Variants in TTC7A observed in about 807,000 individuals in gnomAD.
TTC7A encodes the protein tetratricopeptide repeat domain 7A.
Under a neutral mutation model 103.7 loss-of-function variants are expected in TTC7A, and 110 were observed. The observed-to-expected ratio is 1.06, with a 90% CI of 0.91 to 1.24. TTC7A has a LOEUF of 1.24. Ranked by LOEUF, TTC7A falls within the 50% of genes most tolerant of loss-of-function variation. The pLI, the probability that TTC7A is intolerant of heterozygous loss-of-function variation, is 0.00. For missense variants in TTC7A, 1,340 were observed against 1,116.3 expected (o/e 1.20, Z -2.86); for synonymous variants, 521 against 467.9 (o/e 1.11, Z -1.47).
chr2:46,939,454 T>C (rs1301280404), upstream of TTC7A, among the ~76,000 whole-genome samples: 1 of 152,128 alleles, frequency 6.6e-6, no homozygotes, highest in Admixed American at 6.5e-5. Flanking sequence ...ATTAAAAATG[T>C]GAGCCATGAA....
chr2:47,052,068 C>T (rs1682905776), intron 18 of TTC7A, among the ~76,000 whole-genome samples, 188 bp downstream of exon 18: 1 of 152,172 alleles, frequency 6.6e-6, no homozygotes, highest in South Asian at 2.1e-4. Context: ...TGCCTTCCTG[C>T]CTGGGAGAGC....
intron 16 of TTC7A, among the ~76,000 whole-genome samples, chr2:47,048,380 TG>T (rs1489785055): frequency 6.6e-6 from 1 of 152,174 alleles, no homozygotes; most frequent in Non-Finnish European, 1.5e-5. Flanking sequence ...AAGAGTAGGA[TG>T]GGAAGCTGCA....
At chr2:46,996,518 G>T (rs889187131) in intron 8 of TTC7A, among the ~76,000 whole-genome samples, 1 of 152,188 alleles carries the variant, frequency 6.6e-6, no homozygotes, top group Non-Finnish European at 1.5e-5. Context: ...GGTGCCTCAG[G>T]CCTCCCAGCA....
chr2:47,064,775 G>C (rs1684055178), intron 19 of TTC7A, among the ~76,000 whole-genome samples: 1 of 152,180 alleles, frequency 6.6e-6, no homozygotes, highest in South Asian at 2.1e-4. Context: ...TCATTGGTTG[G>C]TCATGAAGCT....
intron 14 of TTC7A, among the ~76,000 whole-genome samples, chr2:47,025,318 G>A (rs901265890): frequency 1.3e-5 from 2 of 152,210 alleles, no homozygotes; most frequent in African/African-American, 4.8e-5. Context: ...ACACCACTGA[G>A]GCCGAGCCAG....
intron 3 of TTC7A, among the ~76,000 whole-genome samples, chr2:46,966,405 T>C (rs1176561200): frequency 6.6e-6 from 1 of 152,240 alleles, no homozygotes; most frequent in Non-Finnish European, 1.5e-5. Context: ...TTTTTCCCTA[T>C]AGGATTATAT....
At chr2:46,962,609 C>A (rs1338652282) in intron 3 of TTC7A, among the ~76,000 whole-genome samples, 1 of 152,184 alleles carries the variant, frequency 6.6e-6, no homozygotes, top group Non-Finnish European at 1.5e-5. Context: ...TTTGGAAGAC[C>A]CCAGAGTGGC....
intron 4 of TTC7A, among the ~76,000 whole-genome samples, chr2:46,978,463 A>G (rs1221251247): frequency 6.6e-6 from 1 of 151,738 alleles, no homozygotes; most frequent in Non-Finnish European, 1.5e-5. Context: ...GCAGTGGTTC[A>G]TGCCTGTAAT....
At chr2:47,072,299 T>G (rs115719493) in intron 19 of TTC7A, among the ~76,000 whole-genome samples, 2,611 of 152,332 alleles carry the variant, frequency 0.017, 67 homozygotes, top group African/African-American at 0.059. Context: ...GGTTCCTTGC[T>G]ACGGCTTTGC....
At position 47,024,359 on chromosome 2, in the gene TTC7A, GGTGGGTTGT is replaced by G; in HGVS notation, c.1641+1_1641+9del. 2 of 1,605,140 alleles carry G rather than the reference GGTGGGTTGT, an allele frequency of 1.2e-6. No homozygotes were observed. Among genetic ancestry groups the G allele is most frequent in the South Asian group, 2.2e-5 (2 of 89,828 alleles). ...CGCTGCAGCTGGCCCTCGTCCGACA[GGTGGGTTGT>G]CCGTGTTCCTAACCCCCGGGTCCTC... On this transcript the variant is annotated splice_donor_variant and splice_donor_5th_base_variant and intron_variant, in intron 14 of 19. Coordinates refer to ENST00000319190, the MANE Select transcript of TTC7A (RefSeq NM_020458.4). LOFTEE classifies it high-confidence loss of function.
chr2:46,954,685 C>T lies in TTC7A; in HGVS notation c.349-2154C>T, dbSNP rs185729531. Among the ~76,000 whole-genome samples, 9 of 151,068 alleles carry T rather than the reference C, an allele frequency of 6.0e-5. No individual in the cohort carries two copies. The East Asian group carries it at 1.8e-3, about 29-fold the overall frequency. ...CTCCCGGGTTCAAGCGATTCTTCTG[C>T]CTCAGCCTCCCAAGTAGCTAGGATT... is the stretch of plus-strand genomic sequence containing the variant. On this transcript the variant is annotated intron_variant, in intron 2 of 19. Coordinates refer to ENST00000319190, the MANE Select transcript of TTC7A (RefSeq NM_020458.4).
At chr2:46,920,973 TA>T (rs34487440) in intron 2 of TTC7A, among the ~76,000 whole-genome samples, 7,170 of 139,138 alleles carry the variant, frequency 0.052, 345 homozygotes, top group African/African-American at 0.13. Flanking sequence ...CTATTCATGA[TA>T]AAAAAAAAAA....
chr2:46,964,642 C>G (rs1445403900), intron 3 of TTC7A, among the ~76,000 whole-genome samples: 2 of 152,146 alleles, frequency 1.3e-5, no homozygotes, highest in African/African-American at 4.8e-5. Flanking sequence ...ACAAATCACC[C>G]ACTTTTTTGT....
chr2:47,051,727 G>A lies in TTC7A; in HGVS notation c.2018-19G>A, dbSNP rs143365344. ...TGGACCTCTGACCACTGCTCGGCTC[G>A]TGCCCTCTTGCTCTGCAGGCTCCCG... On this transcript the variant is annotated intron_variant, in intron 17 of 19. Transcript: ENST00000319190. 49 of 1,603,260 alleles carry A rather than the reference G, an allele frequency of 3.1e-5. No individual in the cohort carries two copies. In the East Asian group the frequency reaches 3.6e-4, roughly 12 times the overall value.
chr2:46,954,558 C>A (rs1671680177), intron 2 of TTC7A, among the ~76,000 whole-genome samples: 1 of 145,910 alleles, frequency 6.9e-6, no homozygotes, highest in Non-Finnish European at 1.5e-5. Flanking sequence ...CCTTTCAGAA[C>A]TAAGAGCCTT....
At chr2:47,065,516 G>C (rs964607658) in intron 19 of TTC7A, among the ~76,000 whole-genome samples, 1 of 152,196 alleles carries the variant, frequency 6.6e-6, no homozygotes, top group African/African-American at 2.4e-5. Flanking sequence ...AGGTTCTAAC[G>C]TTGTCTTCTG....
Position 46,993,502 on chromosome 2 carries a change from A to G in TTC7A, c.817A>G (p.Thr273Ala), listed in dbSNP as rs1675836079. Residue 273 changes from threonine to alanine, a missense_variant, in exon 6 of 20, where the codon ACC (threonine) becomes GCC (alanine). Transcript: ENST00000319190. ...ELREVLRTVE[T>A]KATQNFKVMA... is the part of the protein sequence containing the mutation. ...CCGGGAGGTGCTGCGGACTGTGGAG[A>G]CCAAAGCAACTCAGAACTTCAAAGT... The G allele has an allele frequency of 2.5e-6, 4 of 1,614,034 alleles. No individual in the cohort carries two copies. Among genetic ancestry groups the G allele is most frequent in the Non-Finnish European group, 3.4e-6 (4 of 1,180,010 alleles).
chr2:46,976,449 G>A (rs1673885185), intron 4 of TTC7A, among the ~76,000 whole-genome samples: 1 of 152,242 alleles, frequency 6.6e-6, no homozygotes, highest in South Asian at 2.1e-4. Flanking sequence ...GATTAGGATT[G>A]GTGCCCTGAA....
At chr2:46,946,729 T>C (rs1312116335) in intron 1 of TTC7A, among the ~76,000 whole-genome samples, 1 of 152,228 alleles carries the variant, frequency 6.6e-6, no homozygotes, top group African/African-American at 2.4e-5. Flanking sequence ...GCCTGAATTC[T>C]TGTTTAACAA....
Sources: gnomAD v4.1 joint callset for allele counts (sites outside exome capture counted in the v4.1 genomes callset) on GRCh38, gnomAD v4.1.1 for gene constraint, MANE v1.5 for transcripts, NCBI Gene and HGNC (gene_info 2026-07-23, HGNC 2026-07-21) for gene names.